Variants in SPATS2 observed in about 807,000 individuals in gnomAD.
SPATS2 encodes spermatogenesis-associated serine-rich protein 2.
Under a neutral mutation model 63.7 loss-of-function variants are expected in SPATS2, and 38 were observed. The observed-to-expected ratio is 0.60, with a 90% CI of 0.46 to 0.78. The LOEUF is 0.78. Among genes scored for constraint, SPATS2 ranks in the 30% least tolerant of loss-of-function variants. SPATS2 has a pLI of 0.00. For missense variants in SPATS2, 588 were observed against 666.2 expected (o/e 0.88, Z 1.29); for synonymous variants, 207 against 232.9 (o/e 0.89, Z 1.01).
At chr12:49,510,470 G>A (rs544222127) in intron 9 of SPATS2, among the ~76,000 whole-genome samples, 16 of 144,952 alleles carry the variant, frequency 1.1e-4, no homozygotes, top group South Asian at 1.1e-3. Flanking sequence ...GGGCTGAGGC[G>A]GGAGGATTGC....
intron 2 of SPATS2, among the ~76,000 whole-genome samples, chr12:49,435,638 CTTTTTTT>C (rs34420984): frequency 0.012 from 1,165 of 96,026 alleles, 10 homozygotes; most frequent in African/African-American, 0.031. Flanking sequence ...TGAATGGTTT[CTTTTTTT>C]TTTTTTTTTT....
At chr12:49,498,565 T>G (rs1946507858) in intron 8 of SPATS2, among the ~76,000 whole-genome samples, 1 of 152,164 alleles carries the variant, frequency 6.6e-6, no homozygotes, top group African/African-American at 2.4e-5. Flanking sequence ...AAGTCTTTTT[T>G]CTCTGTGTGT....
intron 3 of SPATS2, among the ~76,000 whole-genome samples, chr12:49,471,185 A>G (rs545674215): frequency 6.6e-6 from 1 of 152,310 alleles, no homozygotes; most frequent in Non-Finnish European, 1.5e-5. Flanking sequence ...TGATTCATGT[A>G]GAGCTCCTTC....
At chr12:49,452,205 T>C (rs1945635148) in intron 2 of SPATS2, among the ~76,000 whole-genome samples, 1 of 152,226 alleles carries the variant, frequency 6.6e-6, no homozygotes, top group Admixed American at 6.5e-5. Flanking sequence ...TCACATCACT[T>C]CTTCTGGGGC....
At chr12:49,398,356 T>G (rs1944549973) in intron 2 of SPATS2, among the ~76,000 whole-genome samples, 1 of 151,926 alleles carries the variant, frequency 6.6e-6, no homozygotes, top group Admixed American at 6.6e-5. Context: ...TGTAGAAGGA[T>G]CCCCTCAGCA....
rs539248644 is a variant in SPATS2 at position 49,463,763 on chromosome 12, G to T, written c.25+2726G>T. 4 of 152,126 alleles carry T rather than the reference G, an allele frequency of 2.6e-5. No individual in the cohort carries two copies. The East Asian group carries it at 5.8e-4, about 22-fold the overall frequency. The allele number at this position is 152,126 out of a possible 1,614,324, so 9.4% of individuals were successfully genotyped here. A position where few individuals can be genotyped will look rare whatever the true frequency, so the allele number is the denominator to read the frequency against. ...GTTCTTAGTGGTATTTCATTTACAG[G>T]CTCTCATTTTGTAATGAGTTATGTT... is the stretch of plus-strand genomic sequence containing the variant. On this transcript the variant is annotated intron_variant, in intron 3 of 13. Transcript: ENST00000552918.
chr12:49,519,874 G>A lies in SPATS2; in HGVS notation c.1008+692G>A, dbSNP rs140965655. On this transcript the variant is annotated intron_variant, in intron 11 of 13. Transcript: ENST00000552918. The stretch of plus-strand genomic sequence containing the variant: ...GTCACCCAGGCTGGAGTGCAATGGC[G>A]TGCCATCTCGGTTCACTGCATCCTC... 1.1e-3 allele frequency among the ~76,000 whole-genome samples: 161 copies of A among 150,240 alleles called. 1 individual carries two copies. Among genetic ancestry groups the A allele is most frequent in the African/African-American group, 2.9e-3 (119 of 40,740 alleles).
intron 2 of SPATS2, among the ~76,000 whole-genome samples, chr12:49,396,391 AT>A (rs780243907): frequency 2.6e-5 from 4 of 151,936 alleles, no homozygotes; most frequent in Non-Finnish European, 5.9e-5. Flanking sequence ...GCTGTCTTTG[AT>A]TGCTGATTTC....
At chr12:49,444,456 C>G (rs1945477336) in intron 2 of SPATS2, among the ~76,000 whole-genome samples, 1 of 152,032 alleles carries the variant, frequency 6.6e-6, no homozygotes, top group South Asian at 2.1e-4. Flanking sequence ...TGGGCTAAAG[C>G]AGTCCTCTTG....
intron 9 of SPATS2, among the ~76,000 whole-genome samples, chr12:49,501,020 C>T (rs1212679368): frequency 1.3e-5 from 2 of 152,096 alleles, no homozygotes; most frequent in African/African-American, 4.8e-5. Context: ...GGCACGATCA[C>T]ATCTCACTGT....
rs148470886 is a variant in SPATS2 at position 49,514,456 on chromosome 12, GCAAA to G, written c.840-93_840-90del. The G allele has an allele frequency of 8.4e-4, 925 of 1,096,318 alleles. 10 individuals carry two copies. Among genetic ancestry groups the G allele is most frequent in the East Asian group, 3.4e-3 (133 of 39,122 alleles). 67.9% of individuals were successfully genotyped at this position (1,096,318 alleles called of 1,614,324 possible). A position where few individuals can be genotyped will look rare whatever the true frequency, so the allele number is the denominator to read the frequency against. ...AATATTATTTTTTAGTATGCTTTTA[GCAAA>G]CAAACTCACTGGTCTTTCTTTACTA... is the stretch of plus-strand genomic sequence containing the variant. On this transcript the variant is annotated intron_variant, in intron 9 of 13. Coordinates refer to ENST00000552918, the MANE Select transcript of SPATS2 (RefSeq NM_023071.4).
intron 2 of SPATS2, among the ~76,000 whole-genome samples, chr12:49,454,982 T>A (rs1189638072): frequency 6.6e-6 from 1 of 151,888 alleles, no homozygotes; most frequent in Non-Finnish European, 1.5e-5. Flanking sequence ...AGCACCACCA[T>A]CAATTGCACA....
intron 2 of SPATS2, among the ~76,000 whole-genome samples, chr12:49,441,368 A>G (rs935101171): frequency 6.6e-6 from 1 of 152,158 alleles, no homozygotes; most frequent in Non-Finnish European, 1.5e-5. Flanking sequence ...CAGATCTTCA[A>G]TCTTTATTTC....
At chr12:49,409,393 C>T (rs1486105442) in intron 2 of SPATS2, among the ~76,000 whole-genome samples, 1 of 151,918 alleles carries the variant, frequency 6.6e-6, no homozygotes, top group African/African-American at 2.4e-5. Context: ...GCAAGCTCCG[C>T]CTCCCGGGTT....
At chr12:49,384,690 T>C (rs1944280464) in intron 2 of SPATS2, among the ~76,000 whole-genome samples, 3 of 152,240 alleles carry the variant, frequency 2.0e-5, no homozygotes. Flanking sequence ...TACAATCTAG[T>C]GTCTTTTTCT....
rs141815202 is a variant in SPATS2 at position 49,416,471 on chromosome 12, T to TTTTTATTTTA, written c.-243-44274_-243-44265dup. Among the ~76,000 whole-genome samples the TTTTTATTTTA allele has an allele frequency of 4.8e-3, 721 of 150,914 alleles. 21 individuals are homozygous for TTTTTATTTTA. The highest frequency in any genetic ancestry group is 0.036 in the Admixed American group (545 of 15,110). On this transcript the variant is annotated intron_variant, in intron 2 of 13. Transcript: ENST00000552918. ...AGCACCTGGCAGAAGTTTTATCACC[T>TTTTTATTTTA]TTTTATTTTATTTTATTTTATTTTA...
intron 2 of SPATS2, among the ~76,000 whole-genome samples, chr12:49,384,793 G>T (rs1944282268): frequency 6.6e-6 from 1 of 151,292 alleles, no homozygotes; most frequent in African/African-American, 2.4e-5. Context: ...CCATACGTTT[G>T]CTCATGCCAA....
At chr12:49,510,895 T>C (rs933765175) in intron 9 of SPATS2, among the ~76,000 whole-genome samples, 5 of 152,192 alleles carry the variant, frequency 3.3e-5, no homozygotes, top group Non-Finnish European at 5.9e-5. Flanking sequence ...CAGTAACAGC[T>C]ATTCTGAGCA....
chr12:49,475,836 A>G (rs1026132502), intron 3 of SPATS2, among the ~76,000 whole-genome samples: 1 of 152,212 alleles, frequency 6.6e-6, no homozygotes, highest in Non-Finnish European at 1.5e-5. Flanking sequence ...AACAAATTCC[A>G]GGCTAATGAG....
Sources: allele counts gnomAD v4.1 joint callset (sites outside exome capture counted in the v4.1 genomes callset), GRCh38; gene constraint gnomAD v4.1.1; transcripts MANE v1.5; gene names NCBI Gene and HGNC (gene_info 2026-07-23, HGNC 2026-07-21).